Variants in C3orf70 observed in about 807,000 individuals in gnomAD.
C3orf70 encodes chromosome 3 open reading frame 70.
A neutral mutation model predicts 20.7 loss-of-function variants in C3orf70; 15 were observed. That is an observed-to-expected ratio of 0.72 (90% CI 0.48 to 1.11). The LOEUF is 1.11. Among genes scored for constraint, C3orf70 ranks in the 50% most tolerant of loss-of-function variants. The pLI, the probability that C3orf70 is intolerant of heterozygous loss-of-function variation, is 0.00. For synonymous variants in C3orf70, 161 were observed against 125.7 expected (o/e 1.28, Z -1.88); for missense variants, 332 against 317.6 (o/e 1.05, Z -0.34).
At chr3:185,147,120 GAC>G (rs1207040179) in intron 1 of C3orf70, among the ~76,000 whole-genome samples, 3 of 152,170 alleles carry the variant, frequency 2.0e-5, no homozygotes, top group African/African-American at 7.2e-5. Flanking sequence ...CTTTTGCTGT[GAC>G]AGTCTTTCTT....
chr3:185,119,838 A>G (rs1227301104), intron 1 of C3orf70, among the ~76,000 whole-genome samples: 1 of 151,956 alleles, frequency 6.6e-6, no homozygotes, highest in Admixed American at 6.6e-5. Flanking sequence ...ATCCTGGCCA[A>G]CATAGTGAAA....
Position 185,077,498 on chromosome 3 carries a change from A to ATAATGACTTTATTTTATTT in C3orf70, c.*5508_*5509insAAATAAAATAAAGTCATTA, listed in dbSNP as rs1715220624. ...TAAGGTAGCCATTGAACTATAATTAATATTAACAAGGATTTTATTACTGAT... is the reference window on the plus strand; with the variant it reads ...TAAGGTAGCCATTGAACTATAATTAATAATGACTTTATTTTATTTTATTAACAAGGATTTTATTACTGAT... On this transcript the variant is annotated 3_prime_UTR_variant, in exon 2 of 2. Transcript: ENST00000335012. Among the ~76,000 whole-genome samples the ATAATGACTTTATTTTATTT allele has an allele frequency of 6.6e-6, 1 of 152,174 alleles. No individual in the cohort carries two copies. The highest frequency in any genetic ancestry group is 1.5e-5 in the Non-Finnish European group (1 of 68,032).
intron 1 of C3orf70, among the ~76,000 whole-genome samples, chr3:185,084,734 T>C (rs1343260981): frequency 6.6e-6 from 1 of 152,204 alleles, no homozygotes; most frequent in African/African-American, 2.4e-5. Flanking sequence ...CCATTTTTCA[T>C]TCAACATCTA....
intron 1 of C3orf70, among the ~76,000 whole-genome samples, chr3:185,113,124 A>AATT (rs900105494): frequency 5.5e-4 from 84 of 152,222 alleles, no homozygotes; most frequent in African/African-American, 2.0e-3. Flanking sequence ...TATACTAAAG[A>AATT]AAAGATCTAC....
chr3:185,142,336 T>C (rs1716771557), intron 1 of C3orf70, among the ~76,000 whole-genome samples: 1 of 152,092 alleles, frequency 6.6e-6, no homozygotes, highest in Non-Finnish European at 1.5e-5. Flanking sequence ...CATGCTTCTG[T>C]GGCCCCAGCC....
At chr3:185,099,505 C>T (rs1301990059) in intron 1 of C3orf70, among the ~76,000 whole-genome samples, 1 of 152,204 alleles carries the variant, frequency 6.6e-6, no homozygotes, top group Admixed American at 6.5e-5. Context: ...AGATCCTTTT[C>T]AGACAAGCAA....
chr3:185,092,004 G>T (rs1715601872), intron 1 of C3orf70, among the ~76,000 whole-genome samples: 4 of 126,782 alleles, frequency 3.2e-5, no homozygotes, highest in Admixed American at 8.9e-5. Flanking sequence ...TCACTATGTT[G>T]GCCAGGCTGG....
chr3:185,148,450 TTTAA>T (rs552007389), intron 1 of C3orf70, among the ~76,000 whole-genome samples: 1 of 152,210 alleles, frequency 6.6e-6, no homozygotes, highest in South Asian at 2.1e-4. Flanking sequence ...CCCGACCAAA[TTTAA>T]TTAACCCTAT....
intron 1 of C3orf70, among the ~76,000 whole-genome samples, chr3:185,122,881 C>A (rs1394540473): frequency 6.6e-6 from 1 of 151,838 alleles, no homozygotes; most frequent in East Asian, 1.9e-4. Context: ...ATGGGCCAGG[C>A]GCAGTGGCTC....
At chr3:185,085,100 G>A (rs908518581) in intron 1 of C3orf70, among the ~76,000 whole-genome samples, 1 of 152,086 alleles carries the variant, frequency 6.6e-6, no homozygotes, top group East Asian at 1.9e-4. Flanking sequence ...ATTCCCCAAC[G>A]GGTGAAATCA....
In C3orf70 at chr3:185,100,307, C is replaced by T. The variant is rs139039070; in HGVS notation, c.197-16744G>A. Reference sequence around the variant, plus strand: ...ATCACATAATCGGACATAAAACACACTCAGCAAATGCAAAATAACTGAAAT... The same window carrying T: ...ATCACATAATCGGACATAAAACACATTCAGCAAATGCAAAATAACTGAAAT... On this transcript the variant is annotated intron_variant, in intron 1 of 1. Transcript: ENST00000335012. 4.6e-5 allele frequency among the ~76,000 whole-genome samples: 7 copies of T among 152,238 alleles called. No individual in the cohort carries two copies. The East Asian group carries it at 1.4e-3, about 29-fold the overall frequency.
rs60241057 is a variant in C3orf70 at position 185,079,280 on chromosome 3, C to CAAAAAAAAAAAAAAAAAAAA, written c.*3707_*3726dup. On this transcript the variant is annotated 3_prime_UTR_variant, in exon 2 of 2. Coordinates refer to ENST00000335012, the MANE Select transcript of C3orf70 (RefSeq NM_001025266.3). Reference sequence around the variant, plus strand: ...TGGGTGAAGGAGCGAGACTCTGTCTCAAAAAAAAAAAAAAAAAAAAAAAAG... The same window carrying CAAAAAAAAAAAAAAAAAAAA: ...TGGGTGAAGGAGCGAGACTCTGTCTCAAAAAAAAAAAAAAAAAAAAAAAAAAAAAAAAAAAAAAAAAAAAG... The CAAAAAAAAAAAAAAAAAAAA allele has an allele frequency of 2.0e-5, 1 of 50,632 alleles. No homozygotes were observed. Among genetic ancestry groups the CAAAAAAAAAAAAAAAAAAAA allele is most frequent in the African/African-American group, 6.5e-5 (1 of 15,420 alleles). 3.1% of individuals were successfully genotyped at this position (50,632 alleles called of 1,614,324 possible). A position where few individuals can be genotyped will look rare whatever the true frequency, so the allele number is the denominator to read the frequency against.
At chr3:185,152,537 C>T (rs1019951919) in intron 1 of C3orf70, 91 bp downstream of exon 1, 13 of 1,207,136 alleles carry the variant, frequency 1.1e-5, no homozygotes, top group Non-Finnish European at 1.5e-5. Context: ...CCCGGAGCCC[C>T]GCGGCCGCAG....
At position 185,084,510 on chromosome 3, in the gene C3orf70, G is replaced by A. The variant is rs1014251441; in HGVS notation, c.197-947C>T. Among the ~76,000 whole-genome samples, 3 of 151,574 alleles carry A rather than the reference G, an allele frequency of 2.0e-5. 1 individual carries two copies. Among genetic ancestry groups the A allele is most frequent in the African/African-American group, 4.9e-5 (2 of 41,230 alleles). Reference sequence around the variant, plus strand: ...GGCCTAATCAGGAGGTGTCTCCCCCGCACCCCTCCCCGACACCAATTCCAC... The same window carrying A: ...GGCCTAATCAGGAGGTGTCTCCCCCACACCCCTCCCCGACACCAATTCCAC... On this transcript the variant is annotated intron_variant, in intron 1 of 1. Coordinates refer to ENST00000335012, the MANE Select transcript of C3orf70 (RefSeq NM_001025266.3).
At chr3:185,088,888 C>T (rs775270061) in intron 1 of C3orf70, among the ~76,000 whole-genome samples, 2 of 152,120 alleles carry the variant, frequency 1.3e-5, no homozygotes, top group Non-Finnish European at 1.5e-5. Flanking sequence ...ATTCCTTCTA[C>T]ATTTATTAAT....
rs1159556802 is a variant in C3orf70 at position 185,082,232 on chromosome 3, T to G, written c.*775A>C. The G allele has an allele frequency of 6.6e-6, 1 of 152,170 alleles. No individual in the cohort carries two copies. The highest frequency in any genetic ancestry group is 1.5e-5 in the Non-Finnish European group (1 of 68,052). 9.4% of individuals were successfully genotyped at this position (152,170 alleles called of 1,614,324 possible). ...AGCTTTTTGGGTGCCATGAGTTGAA[T>G]GTGTCATATATAGGACTGTGGGCCC... On this transcript the variant is annotated 3_prime_UTR_variant, in exon 2 of 2. Transcript: ENST00000335012.
intron 1 of C3orf70, among the ~76,000 whole-genome samples, chr3:185,136,366 T>A (rs1716620935): frequency 6.6e-6 from 1 of 152,032 alleles, no homozygotes; most frequent in African/African-American, 2.4e-5. Context: ...GGCAGGTGGA[T>A]CACCTGAGGT....
At chr3:185,100,118 CCCA>C (rs2108592153) in intron 1 of C3orf70, among the ~76,000 whole-genome samples, 1 of 152,016 alleles carries the variant, frequency 6.6e-6, no homozygotes, top group South Asian at 2.1e-4. Flanking sequence ...ACTTCAACAC[CCCA>C]CCAACAGTAT....
At chr3:185,123,914 C>CAGG (rs1716360986) in intron 1 of C3orf70, among the ~76,000 whole-genome samples, 1 of 152,062 alleles carries the variant, frequency 6.6e-6, no homozygotes, top group Non-Finnish European at 1.5e-5. Flanking sequence ...TTTCAACATT[C>CAGG]AGGATTACAC....
Sources: gnomAD v4.1 joint callset for allele counts (sites outside exome capture counted in the v4.1 genomes callset) on GRCh38, gnomAD v4.1.1 for gene constraint, MANE v1.5 for transcripts, NCBI Gene and HGNC (gene_info 2026-07-23, HGNC 2026-07-21) for gene names.